RIMS1: variants seen among roughly 807,000 people sequenced by gnomAD.
The protein encoded by RIMS1 is regulating synaptic membrane exocytosis 1, also known as regulating synaptic membrane exocytosis protein 1.
In RIMS1, 83 loss-of-function variants were observed where a neutral mutation model predicts 214.1. The observed-to-expected ratio is 0.39, with a 90% CI of 0.32 to 0.47. The LOEUF (loss-of-function observed/expected upper bound fraction) is 0.47. Among genes scored for constraint, RIMS1 ranks in the 20% least tolerant of loss-of-function variants. The pLI is 0.99. For synonymous variants in RIMS1, 793 were observed against 786.8 expected, an observed-to-expected ratio of 1.01 and a Z score of -0.13; for missense variants, 2,050 against 2,161.8, an observed-to-expected ratio of 0.95 and a Z score of 1.03.
chr6:72,262,492 A>T, intron 19 of RIMS1: 1 of 985,350 alleles, frequency 1.0e-6, no homozygotes, highest in Non-Finnish European at 1.2e-6. Context: ...TGTCAGTGCG[A>T]AACATATGTC....
At chr6:72,147,567 A>G (rs1402687879) in intron 4 of RIMS1, among the ~76,000 whole-genome samples, 1 of 152,216 alleles carries the variant, frequency 6.6e-6, no homozygotes, top group African/African-American at 2.4e-5. Context: ...ATCAAAAGCT[A>G]TTCTAGGGCC....
At position 72,258,214 on chromosome 6, in the gene RIMS1, G is replaced by T; in HGVS notation, c.2860G>T (p.Val954Leu). The change falls in exon 17 of 34, where the codon GTA (valine) becomes TTA (leucine). Residue 954 changes from valine (V) to leucine (L), a missense_variant. Val to Leu is a conservative substitution (Grantham distance 32, BLOSUM62 1). Transcript: ENST00000521978. ...AACAACTCATCACCGCTCACGTTCAGTATCTCCTCATCGCGGCAATGATCA... is the reference window on the plus strand; with the variant it reads ...AACAACTCATCACCGCTCACGTTCATTATCTCCTCATCGCGGCAATGATCA... ...QRTTHHRSRSVSPHRGNDQGK... is the reference protein window; with the variant it reads ...QRTTHHRSRSLSPHRGNDQGK... The T allele has an allele frequency of 6.2e-7, 1 of 1,613,456 alleles. No homozygotes were observed. The highest frequency in any genetic ancestry group is 8.5e-7 in the Non-Finnish European group (1 of 1,179,590).
At chr6:72,169,428 C>T (rs2046718674) in intron 4 of RIMS1, among the ~76,000 whole-genome samples, 2 of 151,914 alleles carry the variant, frequency 1.3e-5, no homozygotes, top group African/African-American at 2.4e-5. Context: ...TCCTGTGTAA[C>T]ATCAACATTT....
intron 26 of RIMS1, among the ~76,000 whole-genome samples, chr6:72,294,954 C>A (rs1275312779): frequency 6.6e-6 from 1 of 151,730 alleles, no homozygotes; most frequent in Admixed American, 6.6e-5. Flanking sequence ...AAGACTTCCA[C>A]AAAATTTTTC....
rs753784735 is a variant in RIMS1, at chr6:72,182,950, G to T, written c.1479G>T (p.Glu493Asp). The change falls in exon 6 of 34, where the codon GAG (glutamate) becomes GAT (aspartate). Residue 493 changes from glutamate (E) to aspartate (D), a missense_variant. Coordinates refer to ENST00000521978, the MANE Select transcript of RIMS1 (RefSeq NM_014989.7). Reference protein sequence around the residue: ...LMRKAKREKVETMLRNDSLSS... With the variant: ...LMRKAKREKVDTMLRNDSLSS... ...GGAAGGCCAAGCGCGAGAAGGTGGA[G>T]ACCATGCTGCGGAACGACTCTTTGA... The T allele has an allele frequency of 8.2e-6, 13 of 1,591,512 alleles. No individual in the cohort carries two copies. The highest frequency in any genetic ancestry group is 1.1e-5 in the Non-Finnish European group (13 of 1,170,118).
At chr6:71,891,829 C>T (rs983343071) in intron 1 of RIMS1, among the ~76,000 whole-genome samples, 1 of 152,144 alleles carries the variant, frequency 6.6e-6, no homozygotes, top group African/African-American at 2.4e-5. Flanking sequence ...GTTATTTGCT[C>T]AACTTTTTAA....
At chr6:71,925,526 T>A (rs1269877883) in intron 1 of RIMS1, among the ~76,000 whole-genome samples, 1 of 152,202 alleles carries the variant, frequency 6.6e-6, no homozygotes, top group Admixed American at 6.6e-5. Flanking sequence ...TTGAGAACAA[T>A]GATTTAATAG....
chr6:72,271,286 A>AATATATATATATATATATATAT (rs1222564699), intron 22 of RIMS1, among the ~76,000 whole-genome samples: 29 of 44,362 alleles, frequency 6.5e-4, no homozygotes, highest in East Asian at 2.1e-3. Flanking sequence ...AAAAAAAAAA[A>AATATATATATATATATATATAT]ATATATATAT....
chr6:72,094,595 C>T (rs958599413), intron 2 of RIMS1, among the ~76,000 whole-genome samples: 5 of 152,162 alleles, frequency 3.3e-5, no homozygotes, highest in Non-Finnish European at 7.3e-5. Context: ...AATAAAGTTT[C>T]ATTGGAGCAT....
intron 22 of RIMS1, among the ~76,000 whole-genome samples, chr6:72,271,269 GAAAA>G (rs1159251437): frequency 8.2e-4 from 43 of 52,756 alleles, no homozygotes; most frequent in African/African-American, 1.3e-3. Context: ...CCATCTCAAG[GAAAA>G]AAAAAAAAAA....
At position 72,120,098 on chromosome 6, in the gene RIMS1, G is replaced by C. The variant is rs576715206; in HGVS notation, c.471+20112G>C. Among the ~76,000 whole-genome samples, 84 of 151,886 alleles carry C rather than the reference G, an allele frequency of 5.5e-4. 1 individual carries two copies. Among genetic ancestry groups the C allele is most frequent in the African/African-American group, 1.9e-3 (80 of 41,530 alleles). On this transcript the variant is annotated intron_variant, in intron 4 of 33. Coordinates refer to ENST00000521978, the MANE Select transcript of RIMS1 (RefSeq NM_014989.7). ...TTCCAAGTCTTTACTATTGTGAATAGTGTCCCAATAAACATATGTGTGCAT... is the reference window on the plus strand; with the variant it reads ...TTCCAAGTCTTTACTATTGTGAATACTGTCCCAATAAACATATGTGTGCAT...
At chr6:72,178,689 G>C (rs776952062) in intron 4 of RIMS1, among the ~76,000 whole-genome samples, 1 of 152,228 alleles carries the variant, frequency 6.6e-6, no homozygotes, top group African/African-American at 2.4e-5. Flanking sequence ...TCATGGAGCT[G>C]TTAGCACCTA....
intron 1 of RIMS1, among the ~76,000 whole-genome samples, chr6:71,906,700 TC>T (rs758141271): frequency 1.3e-5 from 2 of 152,070 alleles, no homozygotes; most frequent in East Asian, 3.9e-4. Flanking sequence ...AATCCTGAGA[TC>T]CACCACTTTT....
chr6:72,243,229 G>A (rs1413677466), intron 10 of RIMS1, among the ~76,000 whole-genome samples: 1 of 151,452 alleles, frequency 6.6e-6, no homozygotes, highest in African/African-American at 2.4e-5. Context: ...TTATTTCAAG[G>A]CTTTTTATGT....
intron 6 of RIMS1, among the ~76,000 whole-genome samples, chr6:72,194,304 T>A (rs1425117217): frequency 1.4e-5 from 2 of 139,594 alleles, no homozygotes; most frequent in Non-Finnish European, 3.3e-5. Context: ...GAATAAAATT[T>A]AAAAGGACAG....
chr6:71,924,995 C>T (rs1430629225), intron 1 of RIMS1, among the ~76,000 whole-genome samples: 2 of 152,066 alleles, frequency 1.3e-5, no homozygotes, highest in Non-Finnish European at 2.9e-5. Flanking sequence ...GCTGTCTTGG[C>T]ATGTGAATTG....
At chr6:72,011,013 A>G (rs1186104748) in intron 2 of RIMS1, among the ~76,000 whole-genome samples, 2 of 152,214 alleles carry the variant, frequency 1.3e-5, no homozygotes, top group African/African-American at 2.4e-5. Flanking sequence ...AAGAGCCTGC[A>G]TTGCCAAGTC....
At chr6:71,945,994 GAATT>G (rs1174996720) in intron 1 of RIMS1, among the ~76,000 whole-genome samples, 2 of 151,656 alleles carry the variant, frequency 1.3e-5, no homozygotes, top group South Asian at 4.2e-4. Context: ...ACTGATGAAT[GAATT>G]GAGTAGAGTT....
chr6:72,028,320 TAG>T (rs1817114567), intron 2 of RIMS1, among the ~76,000 whole-genome samples: 3 of 152,320 alleles, frequency 2.0e-5, no homozygotes, highest in African/African-American at 7.2e-5. Context: ...AGTAAATATA[TAG>T]ACCTAAGAAG....
Sources: allele counts gnomAD v4.1 joint callset (sites outside exome capture counted in the v4.1 genomes callset), GRCh38; gene constraint gnomAD v4.1.1; transcripts MANE v1.5; gene names NCBI Gene and HGNC (gene_info 2026-07-23, HGNC 2026-07-21).